The following CAMK4 variants were observed in gnomAD, a reference collection of about 807,000 sequenced individuals.
CAMK4 encodes calcium/calmodulin-dependent protein kinase type IV.
CAMK4 carries 22 observed loss-of-function variants against 44.9 expected under a neutral mutation model. The observed-to-expected ratio is 0.49, with a 90% CI of 0.35 to 0.70. The LOEUF (loss-of-function observed/expected upper bound fraction) is 0.70. Ranked by LOEUF, CAMK4 falls within the 30% of genes least tolerant of loss-of-function variation. The pLI is 0.01. For synonymous variants in CAMK4, 218 were observed against 215.4 expected, an observed-to-expected ratio of 1.01 and a Z score of -0.11; for missense variants, 498 against 586.8, an observed-to-expected ratio of 0.85 and a Z score of 1.56.
chr5:111,421,463 G>T (rs759608628), intron 5 of CAMK4, among the ~76,000 whole-genome samples: 25 of 152,126 alleles, frequency 1.6e-4, no homozygotes, highest in Non-Finnish European at 3.1e-4. Flanking sequence ...AGCATCCCTG[G>T]CCCCAACACC....
chr5:111,224,724 C>A lies in CAMK4; in HGVS notation c.161+80C>A. On this transcript the variant is annotated intron_variant, in intron 1 of 10. Coordinates refer to ENST00000282356, the MANE Select transcript of CAMK4 (RefSeq NM_001744.6). The surrounding 1 kb of genome is among the most constrained non-coding windows in gnomAD (Gnocchi z 5.7). ...TCTCGCAGCGACGGCTCGGAGGGTG[C>A]GGGAGCCTGCCTTCGTGCCCTTCGA... 7.3e-7 allele frequency: 1 copy of A among 1,372,434 alleles called. No individual in the cohort carries two copies. The highest frequency in any genetic ancestry group is 1.0e-6 in the Non-Finnish European group (1 of 1,002,984). 85.0% of individuals were successfully genotyped at this position (1,372,434 alleles called of 1,614,324 possible).
At chr5:111,393,602 C>T (rs1751888685) in intron 4 of CAMK4, among the ~76,000 whole-genome samples, 1 of 152,078 alleles carries the variant, frequency 6.6e-6, no homozygotes, top group South Asian at 2.1e-4. Flanking sequence ...AGCTGTAGGC[C>T]ATTTTCCTTA....
intron 9 of CAMK4, among the ~76,000 whole-genome samples, chr5:111,480,478 T>C (rs1415512797): frequency 6.6e-6 from 1 of 152,162 alleles, no homozygotes; most frequent in East Asian, 1.9e-4. Flanking sequence ...TAATTAGATT[T>C]TAAGCTCTGG....
At chr5:111,284,372 T>C (rs149811715) in intron 1 of CAMK4, among the ~76,000 whole-genome samples, 6 of 152,268 alleles carry the variant, frequency 3.9e-5, no homozygotes, top group African/African-American at 1.2e-4. Flanking sequence ...AACATAAAGA[T>C]GAACTAACGA....
At chr5:111,450,834 C>T (rs1421424136) in intron 7 of CAMK4, among the ~76,000 whole-genome samples, 1 of 151,344 alleles carries the variant, frequency 6.6e-6, no homozygotes, top group Non-Finnish European at 1.5e-5. Context: ...GAAATTATAG[C>T]GTCTTAAGAA....
intron 1 of CAMK4, among the ~76,000 whole-genome samples, chr5:111,256,495 A>T (rs1561366031): frequency 2.0e-5 from 3 of 152,184 alleles, no homozygotes; most frequent in South Asian, 4.1e-4. Flanking sequence ...GGGGGAACTG[A>T]GTGAAGGGCA....
chr5:111,417,089 T>C (rs306089), intron 5 of CAMK4, among the ~76,000 whole-genome samples: 110,643 of 152,074 alleles, frequency 0.73, 40,446 homozygotes, highest in Middle Eastern at 0.78. Flanking sequence ...AGAGGCACAG[T>C]CTCACTCTGT....
At chr5:111,275,493 AT>A (rs1157570630) in intron 1 of CAMK4, among the ~76,000 whole-genome samples, 2 of 151,908 alleles carry the variant, frequency 1.3e-5, no homozygotes, top group Non-Finnish European at 2.9e-5. Context: ...TCTTGTATTC[AT>A]TTTTTTATTA....
intron 5 of CAMK4, among the ~76,000 whole-genome samples, chr5:111,418,373 G>T (rs766516394): frequency 6.6e-6 from 1 of 152,094 alleles, no homozygotes; most frequent in African/African-American, 2.4e-5. Context: ...ACCACAGGAT[G>T]GGGTGAAATT....
intron 4 of CAMK4, among the ~76,000 whole-genome samples, chr5:111,387,636 T>C (rs1419220541): frequency 1.3e-5 from 2 of 152,166 alleles, no homozygotes; most frequent in African/African-American, 2.4e-5. Flanking sequence ...ATAGTGAACA[T>C]AGGCAAAAGT....
intron 2 of CAMK4, among the ~76,000 whole-genome samples, chr5:111,347,283 T>C (rs1162022384): frequency 6.6e-6 from 1 of 151,924 alleles, no homozygotes. Flanking sequence ...TTATCTGAGG[T>C]CTACATGACA....
At chr5:111,342,307 G>A (rs907286053) in intron 1 of CAMK4, among the ~76,000 whole-genome samples, 103 of 151,394 alleles carry the variant, frequency 6.8e-4, no homozygotes, top group African/African-American at 2.3e-3. Flanking sequence ...CCTGTTGTTA[G>A]GTGCACACAT....
At chr5:111,255,452 T>G (rs1208839588) in intron 1 of CAMK4, among the ~76,000 whole-genome samples, 1 of 152,236 alleles carries the variant, frequency 6.6e-6, no homozygotes, top group African/African-American at 2.4e-5. Flanking sequence ...GATTTTCTGA[T>G]TTTTCTGTAC....
At chr5:111,429,777 CAAAAAAAAAAAAAAAAAAA>C (rs70973607) in intron 5 of CAMK4, among the ~76,000 whole-genome samples, 2 of 26,342 alleles carry the variant, frequency 7.6e-5, no homozygotes, top group Non-Finnish European at 6.2e-5. Context: ...GACCTCATCT[CAAAAAAAAAAAAAAAAAAA>C]AAAAAAAAAA....
intron 1 of CAMK4, among the ~76,000 whole-genome samples, chr5:111,340,364 T>C (rs1379815385): frequency 6.6e-6 from 1 of 151,290 alleles, no homozygotes. Context: ...TTGTCATATA[T>C]GGCCTTTATT....
intron 1 of CAMK4, among the ~76,000 whole-genome samples, chr5:111,283,223 A>G (rs990498092): frequency 2.6e-5 from 4 of 152,234 alleles, no homozygotes; most frequent in Non-Finnish European, 5.9e-5. Context: ...ATAGAAAACA[A>G]AAACCATTAC....
At chr5:111,285,483 AAC>A (rs1751203478) in intron 1 of CAMK4, among the ~76,000 whole-genome samples, 1 of 152,196 alleles carries the variant, frequency 6.6e-6, no homozygotes, top group African/African-American at 2.4e-5. Context: ...TTTTTCTATA[AAC>A]ACACTTAAAA....
At chr5:111,346,808 C>T (rs1039105513) in intron 2 of CAMK4, among the ~76,000 whole-genome samples, 1 of 118,990 alleles carries the variant, frequency 8.4e-6, no homozygotes, top group Non-Finnish European at 1.8e-5. Context: ...CTTGAGTCAG[C>T]TCACCCAGTG....
intron 1 of CAMK4, among the ~76,000 whole-genome samples, chr5:111,311,911 C>A (rs1309931913): frequency 6.6e-6 from 1 of 151,972 alleles, no homozygotes; most frequent in Non-Finnish European, 1.5e-5. Flanking sequence ...TTTTTGTTTC[C>A]TTGGTATTTT....
Sources: allele counts gnomAD v4.1 joint callset (sites outside exome capture counted in the v4.1 genomes callset), GRCh38; gene constraint gnomAD v4.1.1; non-coding constraint Gnocchi (gnomAD v3.1); transcripts MANE v1.5; gene names NCBI Gene and HGNC (gene_info 2026-07-23, HGNC 2026-07-21).